Variants in LRRC8D observed in about 807,000 individuals in gnomAD.
The protein encoded by LRRC8D is leucine rich repeat containing 8 VRAC subunit D, also known as volume-regulated anion channel subunit LRRC8D.
Under a neutral mutation model 55.8 loss-of-function variants are expected in LRRC8D, and 20 were observed. The ratio of observed to expected loss-of-function variants is 0.36; its 90% CI spans 0.25 to 0.52. LRRC8D has a LOEUF of 0.52. Among genes scored for constraint, LRRC8D ranks in the 20% least tolerant of loss-of-function variants. The pLI, the probability that LRRC8D is intolerant of heterozygous loss-of-function variation, is 0.93. For missense variants in LRRC8D, 651 were observed against 1,030.8 expected (o/e 0.63, Z 5.05); for synonymous variants, 352 against 377.0 (o/e 0.93, Z 0.77).
intron 1 of LRRC8D, among the ~76,000 whole-genome samples, chr1:89,824,642 C>G (rs773027521): frequency 3.3e-5 from 5 of 152,102 alleles, no homozygotes; most frequent in African/African-American, 4.8e-5. Flanking sequence ...TGCCTACTCT[C>G]TTTGAATGCA....
chr1:89,849,802 T>C (rs968193632), intron 2 of LRRC8D, among the ~76,000 whole-genome samples: 5 of 152,212 alleles, frequency 3.3e-5, no homozygotes, highest in African/African-American at 1.2e-4. Context: ...TCTTTAGACA[T>C]TGTAACTTTC....
Position 89,935,080 on chromosome 1 carries a change from G to T in LRRC8D, c.2012G>T (p.Arg671Leu). The T allele has an allele frequency of 6.2e-7, 1 of 1,614,060 alleles. No homozygotes were observed. The highest frequency in any genetic ancestry group is 8.5e-7 in the Non-Finnish European group (1 of 1,179,998). Residue 671 changes from arginine to leucine, a missense_variant, in exon 3 of 3, where the codon CGC (arginine) becomes CTC (leucine). Physicochemically the swap from Arg to Leu is moderately radical, Grantham distance 102 (BLOSUM62 -2). Coordinates refer to ENST00000337338, the MANE Select transcript of LRRC8D (RefSeq NM_001134479.2). ...QELDLKSNNI[R>L]TIEEIISFQH... is the part of the protein sequence containing the mutation. ...CTGGATTTAAAGTCCAATAACATTC[G>T]CACAATTGAGGAAATCATCAGTTTC...
rs928779128 is a variant in LRRC8D at position 89,860,904 on chromosome 1, C to A, written c.-3+17122C>A. Reference sequence around the variant, plus strand: ...CCCCTTTTAAAGTTACTTAGAAGGGCTGTTATAGGAAACCTCATTTGCTGC... The same window carrying A: ...CCCCTTTTAAAGTTACTTAGAAGGGATGTTATAGGAAACCTCATTTGCTGC... On this transcript the variant is annotated intron_variant, in intron 2 of 2. Transcript: ENST00000337338. Among the ~76,000 whole-genome samples, 3 of 147,330 alleles carry A rather than the reference C, an allele frequency of 2.0e-5. No homozygotes were observed. The Admixed American group carries it at 2.1e-4, about 10-fold the overall frequency.
intron 1 of LRRC8D, among the ~76,000 whole-genome samples, chr1:89,834,693 A>G (rs1330702260): frequency 6.6e-6 from 1 of 152,248 alleles, no homozygotes; most frequent in African/African-American, 2.4e-5. Context: ...GGAGAGACTG[A>G]TTTTGACTGG....
intron 2 of LRRC8D, among the ~76,000 whole-genome samples, chr1:89,893,340 A>T (rs1306067035): frequency 1.3e-5 from 2 of 152,224 alleles, no homozygotes; most frequent in Non-Finnish European, 2.9e-5. Flanking sequence ...CCAGTGGGCG[A>T]AAACATGGTT....
At chr1:89,930,714 TC>T (rs1557489064) in intron 2 of LRRC8D, among the ~76,000 whole-genome samples, 1 of 151,836 alleles carries the variant, frequency 6.6e-6, no homozygotes, top group Non-Finnish European at 1.5e-5. Context: ...AGGTGTACTC[TC>T]TAGTCTCTGT....
intron 2 of LRRC8D, among the ~76,000 whole-genome samples, chr1:89,877,160 GT>G (rs1157157266): frequency 1.3e-5 from 2 of 152,164 alleles, no homozygotes; most frequent in African/African-American, 4.8e-5. Flanking sequence ...GAAAGAGGGA[GT>G]CTAAGGAAAG....
chr1:89,925,478 C>G (rs762153462), intron 2 of LRRC8D, among the ~76,000 whole-genome samples: 7 of 152,180 alleles, frequency 4.6e-5, no homozygotes, highest in South Asian at 2.1e-4. Flanking sequence ...GAAACCAGTC[C>G]TTGGTGCCAA....
chr1:89,895,963 T>G (rs1046329352), intron 2 of LRRC8D, among the ~76,000 whole-genome samples: 1 of 152,198 alleles, frequency 6.6e-6, no homozygotes. Flanking sequence ...TATTACATAA[T>G]ATATGTCTCC....
At chr1:89,904,093 A>C (rs941015318) in intron 2 of LRRC8D, among the ~76,000 whole-genome samples, 1 of 152,212 alleles carries the variant, frequency 6.6e-6, no homozygotes, top group Non-Finnish European at 1.5e-5. Context: ...GAGAGGGCCT[A>C]AAGAATTAAA....
chr1:89,853,164 T>C (rs1661465017), intron 2 of LRRC8D, among the ~76,000 whole-genome samples: 1 of 152,096 alleles, frequency 6.6e-6, no homozygotes, highest in South Asian at 2.1e-4. Flanking sequence ...TAATTAGTTA[T>C]TGATTAGATG....
intron 2 of LRRC8D, among the ~76,000 whole-genome samples, chr1:89,912,260 C>T (rs772688616): frequency 1.5e-4 from 23 of 152,200 alleles, no homozygotes; most frequent in African/African-American, 3.6e-4. Context: ...CTTTTTAAAA[C>T]GGAATGGTGA....
At chr1:89,864,749 A>G (rs1261256374) in intron 2 of LRRC8D, among the ~76,000 whole-genome samples, 1 of 152,180 alleles carries the variant, frequency 6.6e-6, no homozygotes, top group Non-Finnish European at 1.5e-5. Context: ...ACCTTGCCGC[A>G]GGAAACCTCA....
intron 2 of LRRC8D, among the ~76,000 whole-genome samples, chr1:89,914,772 C>T (rs2100952146): frequency 6.7e-6 from 1 of 149,660 alleles, no homozygotes; most frequent in East Asian, 2.0e-4. Flanking sequence ...AAGATGGGGT[C>T]TTACTATGTT....
chr1:89,873,646 A>T (rs963036033), intron 2 of LRRC8D, among the ~76,000 whole-genome samples: 22 of 152,350 alleles, frequency 1.4e-4, no homozygotes, highest in African/African-American at 4.8e-4. Context: ...TATCTTTGTC[A>T]TGTAGGATTG....
At chr1:89,846,950 ACT>A (rs1368769938) in intron 2 of LRRC8D, among the ~76,000 whole-genome samples, 5 of 151,458 alleles carry the variant, frequency 3.3e-5, no homozygotes, top group African/African-American at 1.2e-4. Context: ...GATATATATG[ACT>A]CTCCACTCCC....
At chr1:89,892,226 T>A (rs1662595566) in intron 2 of LRRC8D, among the ~76,000 whole-genome samples, 1 of 150,256 alleles carries the variant, frequency 6.7e-6, no homozygotes, top group Non-Finnish European at 1.5e-5. Context: ...CCTCGCTCCA[T>A]GTTTGAGTTT....
chr1:89,852,934 A>G (rs559446581), intron 2 of LRRC8D, among the ~76,000 whole-genome samples: 10 of 152,332 alleles, frequency 6.6e-5, no homozygotes, highest in African/African-American at 2.4e-4. Context: ...AGGGCCATGC[A>G]TTTCATTTCT....
chr1:89,933,959 T>C lies in LRRC8D; in HGVS notation c.891T>C (p.His297=). 2.5e-6 allele frequency: 4 copies of C among 1,614,122 alleles called. No individual in the cohort carries two copies. The highest frequency in any genetic ancestry group is 2.5e-6 in the Non-Finnish European group (3 of 1,179,988). Residue 297 remains histidine (H), a synonymous_variant, in exon 3 of 3, where the codon CAT becomes CAC. Coordinates refer to ENST00000337338, the MANE Select transcript of LRRC8D (RefSeq NM_001134479.2). The surrounding 1 kb of genome is among the most constrained non-coding windows in gnomAD (Gnocchi z 7.0). ...LFEKVRKFRA[H]VEDSDLIYKL... ...AGAAAGTGAGGAAGTTCCGTGCCCA[T>C]GTGGAAGATAGTGACTTGATCTATA... is the stretch of plus-strand genomic sequence containing the variant.
Sources: allele counts gnomAD v4.1 joint callset (sites outside exome capture counted in the v4.1 genomes callset), GRCh38; gene constraint gnomAD v4.1.1; non-coding constraint Gnocchi (gnomAD v3.1); transcripts MANE v1.5; gene names NCBI Gene and HGNC (gene_info 2026-07-23, HGNC 2026-07-21).